LRP1B: variants seen among roughly 807,000 people sequenced by gnomAD.
LRP1B encodes LDL receptor related protein 1B.
In LRP1B, 217 loss-of-function variants were observed where a neutral mutation model predicts 556.6. That is an observed-to-expected ratio of 0.39 (90% CI 0.35 to 0.44). LRP1B has a LOEUF of 0.44. Ranked by LOEUF, LRP1B falls within the 20% of genes least tolerant of loss-of-function variation. The pLI, the probability that LRP1B is intolerant of heterozygous loss-of-function variation, is 1.00. For synonymous variants in LRP1B, 2,047 were observed against 1,865.8 expected (o/e 1.10, Z -2.50); for missense variants, 5,053 against 5,620.8 (o/e 0.90, Z 3.23).
chr2:140,735,286 A>G (rs1469853726), intron 35 of LRP1B, among the ~76,000 whole-genome samples: 3 of 152,226 alleles, frequency 2.0e-5, no homozygotes, highest in African/African-American at 2.4e-5. Context: ...AACAATGCCT[A>G]TAAAGACAGC....
At chr2:140,476,275 A>C (rs565309837) in intron 59 of LRP1B, among the ~76,000 whole-genome samples, 1 of 151,916 alleles carries the variant, frequency 6.6e-6, no homozygotes, top group African/African-American at 2.4e-5. Flanking sequence ...TTCACATTCC[A>C]ACTCTGAAAT....
chr2:140,955,843 GTC>G (rs2105308226), intron 18 of LRP1B, among the ~76,000 whole-genome samples: 1 of 151,686 alleles, frequency 6.6e-6, no homozygotes, highest in East Asian at 1.9e-4. Context: ...CTTCTTTCCT[GTC>G]TCTGACCTAG....
At chr2:141,262,246 T>C (rs529982653) in intron 3 of LRP1B, among the ~76,000 whole-genome samples, 4 of 151,410 alleles carry the variant, frequency 2.6e-5, no homozygotes, top group Admixed American at 2.0e-4. Flanking sequence ...TTTCTTATTA[T>C]TGAGCTCTGA....
rs1682671914 is a variant in LRP1B at position 140,364,678 on chromosome 2, T to A, written c.11114A>T (p.Glu3705Val). Residue 3705 changes from glutamate (E) to valine (V), a missense_variant, in exon 72 of 91, where the codon GAA (glutamate) becomes GTA (valine). Physicochemically the swap from Glu to Val is moderately radical, Grantham distance 121. Transcript: ENST00000389484. ...TGCCATACCACACATATCAGGGGCTTCATCAGAGTTGTCTCCACAGTCGTC... is the reference window on the plus strand; with the variant it reads ...TGCCATACCACACATATCAGGGGCTACATCAGAGTTGTCTCCACAGTCGTC... ...GEDDCGDNSDEAPDMCVKFLC... is the reference protein window; with the variant it reads ...GEDDCGDNSDVAPDMCVKFLC... 6.2e-7 allele frequency: 1 copy of A among 1,609,738 alleles called. No homozygotes were observed. The highest frequency in any genetic ancestry group is 1.7e-5 in the Admixed American group (1 of 59,622).
intron 66 of LRP1B, among the ~76,000 whole-genome samples, chr2:140,403,958 A>G (rs1368548429): frequency 6.6e-6 from 1 of 152,162 alleles, no homozygotes; most frequent in Non-Finnish European, 1.5e-5. Context: ...GAGATTTGGG[A>G]CCTATCTTTA....
At chr2:141,617,448 C>G (rs568500783) in intron 2 of LRP1B, among the ~76,000 whole-genome samples, 2 of 152,250 alleles carry the variant, frequency 1.3e-5, no homozygotes, top group South Asian at 4.1e-4. Context: ...GACTGCAGGA[C>G]AGAATGGAGC....
intron 85 of LRP1B, among the ~76,000 whole-genome samples, chr2:140,270,954 T>G (rs1573714862): frequency 6.6e-6 from 1 of 152,078 alleles, no homozygotes; most frequent in East Asian, 1.9e-4. Context: ...AAAACAGTTA[T>G]GTTATAGGAA....
intron 3 of LRP1B, among the ~76,000 whole-genome samples, chr2:141,341,907 T>A (rs1688070549): frequency 6.6e-6 from 1 of 152,236 alleles, no homozygotes; most frequent in African/African-American, 2.4e-5. Context: ...GCAGTCAGCA[T>A]CATTATCCTG....
At chr2:140,709,450 GGAA>G (rs70988418) in intron 37 of LRP1B, among the ~76,000 whole-genome samples, 11,101 of 150,950 alleles carry the variant, frequency 0.074, 463 homozygotes, top group Non-Finnish European at 0.096. Context: ...AGGAGCAGGA[GGAA>G]GAAGAAGAAG....
chr2:141,448,680 T>C (rs1245768268), intron 3 of LRP1B, among the ~76,000 whole-genome samples: 2 of 152,124 alleles, frequency 1.3e-5, no homozygotes, highest in Admixed American at 1.3e-4. Context: ...ACTTCCCAGG[T>C]GAAGCGACAC....
chr2:140,908,116 A>T (rs753487548), intron 21 of LRP1B, 39 bp from the exon 22 acceptor site: 2 of 1,525,524 alleles, frequency 1.3e-6, no homozygotes, highest in South Asian at 2.3e-5. Context: ...GATTTTTGTG[A>T]TTAGGTCATT....
At chr2:140,682,533 A>C (rs1396508676) in intron 41 of LRP1B, among the ~76,000 whole-genome samples, 1 of 152,200 alleles carries the variant, frequency 6.6e-6, no homozygotes, top group African/African-American at 2.4e-5. Flanking sequence ...CTGATGAGCA[A>C]GGCACAGTTT....
intron 6 of LRP1B, among the ~76,000 whole-genome samples, chr2:141,222,554 A>C (rs1351927078): frequency 6.6e-6 from 1 of 152,152 alleles, no homozygotes; most frequent in Non-Finnish European, 1.5e-5. Flanking sequence ...CCAGATACCA[A>C]AACCTGACAG....
intron 3 of LRP1B, among the ~76,000 whole-genome samples, chr2:141,439,198 T>C (rs1362749819): frequency 6.6e-6 from 1 of 152,144 alleles, no homozygotes; most frequent in Non-Finnish European, 1.5e-5. Context: ...TATTATGGGC[T>C]GTGAAATCAT....
At position 140,536,612 on chromosome 2, in the gene LRP1B, T is replaced by C. The variant is rs2105003354; in HGVS notation, c.7611A>G (p.Lys2537=). 1 of 1,611,576 alleles carries C rather than the reference T, an allele frequency of 6.2e-7. No individual in the cohort carries two copies. The highest frequency in any genetic ancestry group is 8.5e-7 in the Non-Finnish European group (1 of 1,179,056). Residue 2537 remains lysine (K), a synonymous_variant, in exon 46 of 91, where the codon AAA becomes AAG. Coordinates refer to ENST00000389484, the MANE Select transcript of LRP1B (RefSeq NM_018557.3). Reference sequence around the variant, plus strand: ...AGAGCAGTTTTTCATCTGATTTATCTTTACAGTGAGGAATGCCATCACAGG... The same window carrying C: ...AGAGCAGTTTTTCATCTGATTTATCCTTACAGTGAGGAATGCCATCACAGG... ...QLTCDGIPHC[K]DKSDEKLLYC... is the part of the protein sequence containing the mutation.
intron 3 of LRP1B, among the ~76,000 whole-genome samples, chr2:141,312,931 T>A (rs2011090): frequency 0.12 from 18,176 of 152,078 alleles, 1,436 homozygotes; most frequent in African/African-American, 0.21. Context: ...TCCACCCACC[T>A]CGACCTCCCA....
chr2:141,119,957 A>G (rs2104993030), intron 7 of LRP1B, among the ~76,000 whole-genome samples: 1 of 151,942 alleles, frequency 6.6e-6, no homozygotes, highest in South Asian at 2.1e-4. Context: ...ATTATCAAAA[A>G]TACTTTTCAG....
At chr2:141,840,465 G>A (rs1697430703) in intron 1 of LRP1B, among the ~76,000 whole-genome samples, 1 of 151,734 alleles carries the variant, frequency 6.6e-6, no homozygotes, top group South Asian at 2.1e-4. Context: ...CTGCGTGTTA[G>A]CCAGGATGGT....
chr2:140,909,103 G>A (rs919147062), intron 21 of LRP1B, among the ~76,000 whole-genome samples: 7 of 152,156 alleles, frequency 4.6e-5, no homozygotes, highest in African/African-American at 7.2e-5. Context: ...TGGCATTGTC[G>A]TCTATGTAAA....
Sources: allele counts gnomAD v4.1 joint callset (sites outside exome capture counted in the v4.1 genomes callset), GRCh38; gene constraint gnomAD v4.1.1; transcripts MANE v1.5; gene names NCBI Gene and HGNC (gene_info 2026-07-23, HGNC 2026-07-21).